The following SMIM24 variants were observed in gnomAD, a reference collection of about 807,000 sequenced individuals.
The protein encoded by SMIM24 is MAP17-related dimer.
SMIM24 carries 6 observed loss-of-function variants against 10.8 expected under a neutral mutation model. The ratio of observed to expected loss-of-function variants is 0.55; its 90% CI spans 0.30 to 1.09. The LOEUF is 1.09. Ranked by LOEUF, SMIM24 falls within the 50% of genes least tolerant of loss-of-function variation. The pLI is 0.06. For synonymous variants in SMIM24, 71 were observed against 62.4 expected (o/e 1.14, Z -0.65); for missense variants, 151 against 153.4 (o/e 0.98, Z 0.08).
chr19:3,480,010 A>C (rs749624590), intron 1 of SMIM24, among the ~76,000 whole-genome samples: 20 of 125,926 alleles, frequency 1.6e-4, no homozygotes, highest in Non-Finnish European at 3.0e-4. Flanking sequence ...ACAGAGGAGG[A>C]GGGGCTCGGG....
intron 3 of SMIM24, among the ~76,000 whole-genome samples, chr19:3,477,090 T>G (rs1599750236): frequency 1.0e-5 from 1 of 95,890 alleles, no homozygotes; most frequent in Non-Finnish European, 2.0e-5. Context: ...AATAGATGGG[T>G]GATGGATGGA....
At position 3,474,729 on chromosome 19, in the gene SMIM24, T is replaced by C; in HGVS notation, c.*114A>G. 1 of 1,340,368 alleles carries C rather than the reference T, an allele frequency of 7.5e-7. No homozygotes were observed. The highest frequency in any genetic ancestry group is 9.9e-7 in the Non-Finnish European group (1 of 1,006,588). The allele number at this position is 1,340,368 out of a possible 1,614,324, so 83.0% of individuals were successfully genotyped here. Reference sequence around the variant, plus strand: ...CCAAGCCTTCTTCACTTGAGAACACTGTATTCTGAATCCCAGATGGAGTCA... The same window carrying C: ...CCAAGCCTTCTTCACTTGAGAACACCGTATTCTGAATCCCAGATGGAGTCA... On this transcript the variant is annotated 3_prime_UTR_variant, in exon 4 of 4. Transcript: ENST00000215531.
intron 2 of SMIM24, 140 bp downstream of exon 2, chr19:3,478,678 T>C: frequency 1.2e-6 from 1 of 851,066 alleles, no homozygotes; most frequent in Non-Finnish European, 1.8e-6. Flanking sequence ...ATCTGGGCTC[T>C]GAGAGTAGAG....
intron 1 of SMIM24, 80 bp downstream of exon 1, chr19:3,480,317 G>T: frequency 3.8e-6 from 5 of 1,306,896 alleles, no homozygotes; most frequent in African/African-American, 1.5e-5. Context: ...CCTTTTTCTC[G>T]CCATGGAAAA....
In SMIM24 at chr19:3,474,976, T is replaced by G. The variant is rs751422095; in HGVS notation, c.260A>C (p.Lys87Thr). ...CTTCTCTTCTTTCTCCTTGGCCTCT[T>G]TCTTCTCTCTCTTGTCTTCACTGTA... ...QDQSEDKREK[K>T]EAKEKEEKRK... Residue 87 changes from lysine (K) to threonine (T), a missense_variant, in exon 4 of 4, where the codon AAA becomes ACA. Lys to Thr is a moderately conservative substitution (Grantham distance 78). Coordinates refer to ENST00000215531, the MANE Select transcript of SMIM24 (RefSeq NM_001136503.2). The G allele has an allele frequency of 2.1e-5, 33 of 1,551,378 alleles. No homozygotes were observed. The highest frequency in any genetic ancestry group is 2.8e-5 in the Non-Finnish European group (32 of 1,146,984).
intron 3 of SMIM24, among the ~76,000 whole-genome samples, chr19:3,477,063 C>G (rs1404110318): frequency 2.1e-4 from 18 of 84,412 alleles, no homozygotes; most frequent in South Asian, 8.9e-4. Flanking sequence ...ATGGATAGGT[C>G]GGGGGGTGGG....
chr19:3,480,236 G>A (rs1391761260), intron 1 of SMIM24, among the ~76,000 whole-genome samples, 161 bp downstream of exon 1: 2 of 151,894 alleles, frequency 1.3e-5, no homozygotes, highest in Non-Finnish European at 2.9e-5. Flanking sequence ...CCAGCGAGAG[G>A]GAGGCCGGGC....
chr19:3,478,987 C>T, intron 1 of SMIM24, 58 bp from the exon 2 acceptor site: 1 of 1,342,366 alleles, frequency 7.4e-7, no homozygotes, highest in Non-Finnish European at 1.0e-6. Context: ...GACCCCCTTC[C>T]CCCACCACCC....
intron 3 of SMIM24, among the ~76,000 whole-genome samples, chr19:3,475,472 G>T (rs1026734569): frequency 2.0e-5 from 3 of 151,424 alleles, no homozygotes; most frequent in Non-Finnish European, 4.4e-5. Context: ...TGATGGATGG[G>T]GGTATGGATG....
At chr19:3,477,842 G>A (rs1456773403) in intron 3 of SMIM24, among the ~76,000 whole-genome samples, 1 of 151,196 alleles carries the variant, frequency 6.6e-6, no homozygotes, top group African/African-American at 2.4e-5. Flanking sequence ...TGGGTGAGTG[G>A]ATGAATGGGT....
intron 3 of SMIM24, 25 bp downstream of exon 3, chr19:3,478,394 C>T: frequency 6.5e-7 from 1 of 1,543,292 alleles, no homozygotes; most frequent in African/African-American, 1.4e-5. Flanking sequence ...TTCACACAGA[C>T]CCCCAGCATC....
chr19:3,477,048 G>A (rs912578798), intron 3 of SMIM24, among the ~76,000 whole-genome samples: 52 of 140,470 alleles, frequency 3.7e-4, no homozygotes, highest in African/African-American at 1.3e-3. Flanking sequence ...TGGATGGATT[G>A]GTGAATGGAT....
intron 3 of SMIM24, among the ~76,000 whole-genome samples, chr19:3,477,855 G>A (rs1237214338): frequency 1.3e-5 from 2 of 151,730 alleles, no homozygotes; most frequent in Admixed American, 6.6e-5. Context: ...GAATGGGTGA[G>A]TGGGTGGATG....
Position 3,480,456 on chromosome 19 carries a change from G to A in SMIM24, c.8C>T (p.Thr3Ile). ...CTCCAGCACCAGAAGGGCCCCCAGG[G>A]TCTCCATGACGGTCGAGTGAGCCAG... ME[T>I]LGALLVLEFL... The change falls in exon 1 of 4, where the codon ACC becomes ATC. Residue 3 changes from threonine (T) to isoleucine (I), a missense_variant. Coordinates refer to ENST00000215531, the MANE Select transcript of SMIM24 (RefSeq NM_001136503.2). 5 of 1,549,288 alleles carry A rather than the reference G, an allele frequency of 3.2e-6. No individual in the cohort carries two copies. The highest frequency in any genetic ancestry group is 4.4e-6 in the Non-Finnish European group (5 of 1,146,444).
rs1402608246 is a variant in SMIM24 at position 3,474,922 on chromosome 19, T to C, written c.314A>G (p.Glu105Gly). The C allele has an allele frequency of 6.4e-7, 1 of 1,551,606 alleles. No individual in the cohort carries two copies. Among genetic ancestry groups the C allele is most frequent in the Admixed American group, 2.0e-5 (1 of 50,974 alleles). ...KRKKEKKTAK[E>G]GESNLGLDLE... ...ATCCAGTCCCAAGTTGCTCTCTCCT[T>C]CCTTTGCTGTCTTTTTCTCCTTCTT... Residue 105 changes from glutamate (E) to glycine (G), a missense_variant, in exon 4 of 4, where the codon GAA becomes GGA. Glu to Gly is a moderately conservative substitution (Grantham distance 98). Coordinates refer to ENST00000215531, the MANE Select transcript of SMIM24 (RefSeq NM_001136503.2).
chr19:3,478,466 C>G lies in SMIM24; in HGVS notation c.192G>C (p.Glu64Asp), dbSNP rs2082802547. 1 of 1,549,018 alleles carries G rather than the reference C, an allele frequency of 6.5e-7. No individual in the cohort carries two copies. The highest frequency in any genetic ancestry group is 2.0e-5 in the Admixed American group (1 of 50,578). The change falls in exon 3 of 4, where the codon GAG becomes GAC. Residue 64 changes from glutamate to aspartate, a missense_variant. Physicochemically the swap from Glu to Asp is conservative, Grantham distance 45. Coordinates refer to ENST00000215531, the MANE Select transcript of SMIM24 (RefSeq NM_001136503.2). ...ACTCCATTCTGAACGTGGTCTCCTCCTCGTCCTCAGCCCTGCAGAGATAAA... is the reference window on the plus strand; with the variant it reads ...ACTCCATTCTGAACGTGGTCTCCTCGTCGTCCTCAGCCCTGCAGAGATAAA... ...LWCSKARAED[E>D]EETTFRMESN...
chr19:3,477,411 GGAT>G, intron 3 of SMIM24, among the ~76,000 whole-genome samples: 1 of 149,586 alleles, frequency 6.7e-6, no homozygotes, highest in South Asian at 2.2e-4. Context: ...GTGAGTGGGT[GGAT>G]AAGTGGTAGG....
intron 1 of SMIM24, chr19:3,479,163 G>A: frequency 4.5e-6 from 2 of 442,862 alleles, no homozygotes; most frequent in Non-Finnish European, 8.0e-6. Flanking sequence ...AGAGGGGAGG[G>A]GCTTATAAAA....
At chr19:3,475,640 A>G (rs962818265) in intron 3 of SMIM24, among the ~76,000 whole-genome samples, 3 of 141,662 alleles carry the variant, frequency 2.1e-5, no homozygotes, top group Non-Finnish European at 1.5e-5. Flanking sequence ...GACGGATGGT[A>G]GGTGGATAGG....
Sources: allele counts gnomAD v4.1 joint callset (sites outside exome capture counted in the v4.1 genomes callset), GRCh38; gene constraint gnomAD v4.1.1; transcripts MANE v1.5; gene names NCBI Gene and HGNC (gene_info 2026-07-23, HGNC 2026-07-21).